The following PKD1L1 variants were observed in gnomAD, a reference collection of about 807,000 sequenced individuals.
The protein encoded by PKD1L1 is polycystin 1 like 1, transient receptor potential channel interacting.
In PKD1L1, 236 loss-of-function variants were observed where a neutral mutation model predicts 323.4. The ratio of observed to expected loss-of-function variants is 0.73; its 90% CI spans 0.66 to 0.81. The LOEUF (loss-of-function observed/expected upper bound fraction) is 0.81, where lower values mean the gene tolerates loss of function less well. PKD1L1 is among the 40% of genes least tolerant of loss of function. The pLI is 0.00. For synonymous variants in PKD1L1, 1,344 were observed against 1,335.0 expected (o/e 1.01, Z -0.15); for missense variants, 3,320 against 3,508.0 (o/e 0.95, Z 1.35).
Position 47,845,052 on chromosome 7 carries a change from A to G in PKD1L1, c.5180T>C (p.Leu1727Pro), listed in dbSNP as rs139809983. ...CSYHRLAAFA[L>P]LRRKLKASFE... ...ACTGGCCTTCAGCTTTCTCCTTAGGAGAGCGAATGCCGCGAGGCGATGGTA... is the reference window on the plus strand; with the variant it reads ...ACTGGCCTTCAGCTTTCTCCTTAGGGGAGCGAATGCCGCGAGGCGATGGTA... Residue 1727 changes from leucine to proline, a missense_variant, in exon 33 of 57, where the codon CTC becomes CCC. Coordinates refer to ENST00000289672, the MANE Select transcript of PKD1L1 (RefSeq NM_138295.5). The G allele has an allele frequency of 2.5e-6, 4 of 1,613,976 alleles. No homozygotes were observed. The highest frequency in any genetic ancestry group is 3.4e-6 in the Non-Finnish European group (4 of 1,179,956).
At chr7:47,811,406 CG>C (rs1205453625) in intron 50 of PKD1L1, among the ~76,000 whole-genome samples, 4 of 152,130 alleles carry the variant, frequency 2.6e-5, no homozygotes, top group Non-Finnish European at 5.9e-5. Flanking sequence ...CCGCCCACCT[CG>C]GCCTCCCAAA....
intron 34 of PKD1L1, among the ~76,000 whole-genome samples, chr7:47,841,245 G>T (rs544064890): frequency 1.3e-5 from 2 of 152,242 alleles, no homozygotes; most frequent in Admixed American, 6.5e-5. Flanking sequence ...TTTTCTACAA[G>T]GGCAGCTATT....
intron 46 of PKD1L1, among the ~76,000 whole-genome samples, chr7:47,820,286 T>C (rs1359589922): frequency 6.6e-6 from 1 of 152,230 alleles, no homozygotes. Flanking sequence ...CATGCTTGCC[T>C]TTGCCTGGTG....
rs1241393362 is a variant in PKD1L1, at chr7:47,880,245, A to AAGAT, written c.3520+479_3520+482dup. Among the ~76,000 whole-genome samples the AAGAT allele has an allele frequency of 4.5e-4, 51 of 114,082 alleles. 2 individuals carry two copies. Among genetic ancestry groups the AAGAT allele is most frequent in the African/African-American group, 2.0e-3 (50 of 24,948 alleles). The allele number at this position is 114,082 out of a possible 152,430, so 74.8% of individuals were successfully genotyped here. The stretch of plus-strand genomic sequence containing the variant: ...ACTTGTGCAGTTGTCTAGCATAAAT[A>AAGAT]AGATATATATATATATATACATATA... On this transcript the variant is annotated intron_variant, in intron 21 of 56. Coordinates refer to ENST00000289672, the MANE Select transcript of PKD1L1 (RefSeq NM_138295.5).
intron 15 of PKD1L1, among the ~76,000 whole-genome samples, chr7:47,891,115 T>G (rs1233560833): frequency 6.6e-6 from 1 of 152,176 alleles, no homozygotes; most frequent in Non-Finnish European, 1.5e-5. Flanking sequence ...CCCTCAAGTA[T>G]GTCCCAAACA....
intron 42 of PKD1L1, 120 bp from the exon 43 acceptor site, chr7:47,830,244 A>T: frequency 1.3e-6 from 1 of 769,364 alleles, no homozygotes; most frequent in Non-Finnish European, 2.1e-6. Flanking sequence ...CGTGGCAGGA[A>T]GCCTGCTGTG....
intron 13 of PKD1L1, among the ~76,000 whole-genome samples, chr7:47,899,955 C>CAAAAAAAAAAAAAAAAAAA (rs10639721): frequency 1.9e-5 from 2 of 106,500 alleles, no homozygotes; most frequent in African/African-American, 7.3e-5. Flanking sequence ...GACTCCATCC[C>CAAAAAAAAAAAAAAAAAAA]AAAAAAAAAA....
At chr7:47,789,705 T>C (rs570492035) in intron 56 of PKD1L1, among the ~76,000 whole-genome samples, 3 of 152,246 alleles carry the variant, frequency 2.0e-5, no homozygotes, top group South Asian at 4.1e-4. Flanking sequence ...TAATTAGCAG[T>C]ATATATTGTC....
intron 26 of PKD1L1, among the ~76,000 whole-genome samples, chr7:47,864,576 T>TTTTCTTTTTC (rs1786107073): frequency 2.8e-5 from 3 of 107,520 alleles, no homozygotes; most frequent in African/African-American, 1.1e-4. Context: ...TTTTTCTTTC[T>TTTTCTTTTTC]TTTCTTTCTT....
chr7:47,833,817 A>T (rs981392180), intron 40 of PKD1L1, among the ~76,000 whole-genome samples: 1 of 152,180 alleles, frequency 6.6e-6, no homozygotes, highest in African/African-American at 2.4e-5. Context: ...CACTATAGCA[A>T]TGGGGTAACG....
chr7:47,949,123 C>T (rs1788161732), upstream of PKD1L1, among the ~76,000 whole-genome samples: 1 of 151,710 alleles, frequency 6.6e-6, no homozygotes, highest in South Asian at 2.1e-4. Flanking sequence ...ATAATCCCAA[C>T]ACTTTGGGAG....
chr7:47,927,608 T>C (rs905531715), intron 7 of PKD1L1, among the ~76,000 whole-genome samples: 1 of 152,180 alleles, frequency 6.6e-6, no homozygotes, highest in Non-Finnish European at 1.5e-5. Context: ...AACCCCATAT[T>C]AGATGGAACT....
chr7:47,802,210 A>G (rs951432016), intron 53 of PKD1L1, among the ~76,000 whole-genome samples: 78 of 143,786 alleles, frequency 5.4e-4, no homozygotes, highest in Admixed American at 6.3e-4. Flanking sequence ...AAAAAAAAAA[A>G]GCAGTTTTGC....
chr7:47,951,254 C>T (rs1262037181), upstream of PKD1L1, among the ~76,000 whole-genome samples: 1 of 152,116 alleles, frequency 6.6e-6, no homozygotes, highest in Non-Finnish European at 1.5e-5. Context: ...GGAAAAAACA[C>T]AAGAAAAATC....
intron 28 of PKD1L1, among the ~76,000 whole-genome samples, chr7:47,855,584 T>A (rs12702395): frequency 0.068 from 7,491 of 110,250 alleles, 980 homozygotes; most frequent in African/African-American, 0.16. Context: ...GAAAAGTATA[T>A]GCAAGAGTGG....
intron 25 of PKD1L1, among the ~76,000 whole-genome samples, chr7:47,865,981 A>G (rs1786161217): frequency 6.6e-6 from 1 of 152,232 alleles, no homozygotes; most frequent in South Asian, 2.1e-4. Flanking sequence ...GAAATAAGAT[A>G]TATTCTTTGT....
intron 7 of PKD1L1, among the ~76,000 whole-genome samples, chr7:47,916,723 A>G (rs902103246): frequency 6.6e-6 from 1 of 152,176 alleles, no homozygotes; most frequent in Non-Finnish European, 1.5e-5. Flanking sequence ...TCCAGAAGAG[A>G]GATAACAATC....
intron 52 of PKD1L1, among the ~76,000 whole-genome samples, chr7:47,806,612 A>G (rs1784783242): frequency 6.6e-6 from 1 of 152,264 alleles, no homozygotes; most frequent in African/African-American, 2.4e-5. Flanking sequence ...TACATTCTCT[A>G]TTCTGCAGTT....
At position 47,847,014 on chromosome 7, in the gene PKD1L1, T is replaced by C. The variant is rs1429481023; in HGVS notation, c.5018A>G (p.Asn1673Ser). Reference protein sequence around the residue: ...LDADYDRKPPNRYLAKAVNYT... With the variant: ...LDADYDRKPPSRYLAKAVNYT... ...GTTCACTGCCTTAGCTAAATATCTG[T>C]TTGGAGGTTTTCTGTCATAGTCAGC... The change falls in exon 32 of 57, where the codon AAC becomes AGC. Residue 1673 changes from asparagine (N) to serine (S), a missense_variant. Coordinates refer to ENST00000289672, the MANE Select transcript of PKD1L1 (RefSeq NM_138295.5). 6.2e-7 allele frequency: 1 copy of C among 1,611,602 alleles called. No individual in the cohort carries two copies.
Sources: allele counts gnomAD v4.1 joint callset (sites outside exome capture counted in the v4.1 genomes callset), GRCh38; gene constraint gnomAD v4.1.1; transcripts MANE v1.5; gene names NCBI Gene and HGNC (gene_info 2026-07-23, HGNC 2026-07-21).